LOXL2: variants seen among roughly 807,000 people sequenced by gnomAD.
The protein encoded by LOXL2 is lysyl oxidase homolog 2.
Under a neutral mutation model 93.0 loss-of-function variants are expected in LOXL2, and 70 were observed. The ratio of observed to expected loss-of-function variants is 0.75; its 90% confidence interval spans 0.62 to 0.92. The LOEUF is 0.92. Ranked by LOEUF, LOXL2 falls within the 40% of genes least tolerant of loss-of-function variation. The pLI, the probability that LOXL2 is intolerant of heterozygous loss-of-function variation, is 0.00. For missense variants in LOXL2, 973 were observed against 1,054.9 expected (o/e 0.92, Z 1.08); for synonymous variants, 438 against 413.2 (o/e 1.06, Z -0.73).
chr8:23,398,658 T>C (rs1047497432), intron 1 of LOXL2, among the ~76,000 whole-genome samples: 1 of 152,160 alleles, frequency 6.6e-6, no homozygotes, highest in Non-Finnish European at 1.5e-5. Flanking sequence ...CAGCATCCTT[T>C]ATCATCATCA....
chr8:23,309,173 C>T (rs575775270), intron 10 of LOXL2, among the ~76,000 whole-genome samples: 50 of 152,088 alleles, frequency 3.3e-4, no homozygotes, highest in African/African-American at 1.1e-3. Flanking sequence ...TTAGTAGAGA[C>T]GGGGTTTCAC....
chr8:23,299,446 T>C (rs1320507682), intron 12 of LOXL2, among the ~76,000 whole-genome samples: 1 of 152,152 alleles, frequency 6.6e-6, no homozygotes. Context: ...TGGGGATCCA[T>C]GTCCCTGTCT....
chr8:23,338,287 C>T (rs764519192), intron 4 of LOXL2, among the ~76,000 whole-genome samples: 2 of 147,692 alleles, frequency 1.4e-5, no homozygotes, highest in African/African-American at 2.6e-5. Context: ...ACAGCCAAAC[C>T]GTATCACTAG....
At chr8:23,377,444 T>C (rs1804611155) in intron 1 of LOXL2, among the ~76,000 whole-genome samples, 1 of 144,524 alleles carries the variant, frequency 6.9e-6, no homozygotes, top group South Asian at 2.2e-4. Context: ...GTTCTGTAGA[T>C]GTCTATTAGG....
intron 5 of LOXL2, among the ~76,000 whole-genome samples, chr8:23,330,291 G>A (rs752785923): frequency 1.4e-4 from 21 of 152,212 alleles, no homozygotes; most frequent in East Asian, 5.8e-4. Flanking sequence ...CCGAGATTGC[G>A]CCACTGCATT....
chr8:23,364,389 T>G (rs1312372076), intron 2 of LOXL2: 1 of 152,192 alleles, frequency 6.6e-6, no homozygotes, highest in Non-Finnish European at 1.5e-5. Context: ...AAGCCAAATT[T>G]TATGTTACTC....
intron 2 of LOXL2, among the ~76,000 whole-genome samples, chr8:23,360,466 G>T (rs1804271957): frequency 6.6e-6 from 1 of 152,206 alleles, no homozygotes; most frequent in Admixed American, 6.5e-5. Context: ...CACCTGATGT[G>T]ATCTGGGAAT....
rs996223871 is a variant in LOXL2 at position 23,302,009 on chromosome 8, C to T, written c.2133+18G>A. 6.2e-6 allele frequency: 10 copies of T among 1,613,712 alleles called. No homozygotes were observed. In the Admixed American group the frequency reaches 8.3e-5, roughly 13 times the overall value. On this transcript the variant is annotated intron_variant, in intron 12 of 13. Coordinates refer to ENST00000389131, the MANE Select transcript of LOXL2 (RefSeq NM_002318.3). ...CTCCTCCCCCTGCAGGGCTGGAACC[C>T]CTTCCCACCCACCTCACCTGGAACA...
chr8:23,377,787 G>T (rs1403621811), intron 1 of LOXL2, among the ~76,000 whole-genome samples: 1 of 151,924 alleles, frequency 6.6e-6, no homozygotes, highest in Non-Finnish European at 1.5e-5. Context: ...TTTTCCATTT[G>T]CTTGGTAGAT....
intron 7 of LOXL2, 161 bp downstream of exon 7, chr8:23,321,969 C>T (rs1263524160): frequency 5.5e-5 from 43 of 785,258 alleles, no homozygotes; most frequent in South Asian, 3.0e-4. Flanking sequence ...GGGCCAGGCC[C>T]GAGGTTCGAG....
intron 1 of LOXL2, chr8:23,386,115 G>C (rs943299739): frequency 1.3e-5 from 10 of 748,970 alleles, no homozygotes; most frequent in African/African-American, 1.2e-4. Flanking sequence ...AAGTGATCAA[G>C]CTGGAATTTG....
At chr8:23,332,368 CACACCCCACAT>C (rs369107570) in intron 5 of LOXL2, among the ~76,000 whole-genome samples, 32 of 129,586 alleles carry the variant, frequency 2.5e-4, no homozygotes, top group African/African-American at 8.8e-4. Flanking sequence ...CACACCCACA[CACACCCCACAT>C]ACACACTCAT....
intron 3 of LOXL2, among the ~76,000 whole-genome samples, chr8:23,344,560 T>C (rs1048060848): frequency 2.7e-4 from 41 of 151,876 alleles, no homozygotes; most frequent in Non-Finnish European, 5.3e-4. Flanking sequence ...TATGTCTCTG[T>C]GTGTGTGTCT....
At chr8:23,383,515 T>C (rs1413001614) in intron 1 of LOXL2, among the ~76,000 whole-genome samples, 1 of 152,124 alleles carries the variant, frequency 6.6e-6, no homozygotes, top group Non-Finnish European at 1.5e-5. Context: ...TCACATCCTA[T>C]CAATACTACC....
At chr8:23,365,210 T>C (rs4872114) in intron 2 of LOXL2, 111,886 of 152,310 alleles carry the variant, frequency 0.73, 42,115 homozygotes, top group African/African-American at 0.89. Flanking sequence ...GGAGGGGCAG[T>C]CTTATCCACG....
chr8:23,298,935 G>A lies in LOXL2; in HGVS notation c.2146C>T (p.Pro716Ser). ...TCGGATTCTGCAACCTCGAAGTTGGGGTTAATAACAACCTAGGGAGAAGCA... is the reference window on the plus strand; with the variant it reads ...TCGGATTCTGCAACCTCGAAGTTGGAGTTAATAACAACCTAGGGAGAAGCA... The part of the protein sequence containing the change: ...GDYLFQVVIN[P>S]NFEVAESDYS... Residue 716 changes from proline to serine, a missense_variant, in exon 13 of 14, where the codon CCC (proline) becomes TCC (serine). Pro to Ser is a moderately conservative substitution (Grantham distance 74, BLOSUM62 -1). Transcript: ENST00000389131. The A allele has an allele frequency of 1.9e-6, 3 of 1,608,600 alleles. No homozygotes were observed. The highest frequency in any genetic ancestry group is 2.6e-6 in the Non-Finnish European group (3 of 1,175,144).
At chr8:23,349,221 A>G (rs1804049628) in intron 3 of LOXL2, among the ~76,000 whole-genome samples, 1 of 152,162 alleles carries the variant, frequency 6.6e-6, no homozygotes. Flanking sequence ...CATCTCACCT[A>G]GGCCTGTGCT....
intron 3 of LOXL2, among the ~76,000 whole-genome samples, chr8:23,345,885 G>A (rs1482554740): frequency 1.3e-5 from 2 of 151,898 alleles, no homozygotes; most frequent in Non-Finnish European, 2.9e-5. Context: ...TGGCTAACAC[G>A]GTGAAACCCT....
rs1388208580 is a variant in LOXL2 at position 23,298,079 on chromosome 8, G to A, written c.2289C>T (p.Phe763=). 3.1e-6 allele frequency: 5 copies of A among 1,613,944 alleles called. No individual in the cohort carries two copies. The highest frequency in any genetic ancestry group is 1.7e-4 in the Middle Eastern group (1 of 5,820). Residue 763 remains phenylalanine, a synonymous_variant, in exon 14 of 14, where the codon TTC becomes TTT. Coordinates refer to ENST00000389131, the MANE Select transcript of LOXL2 (RefSeq NM_002318.3). Reference sequence around the variant, plus strand: ...ACAGCTGGTTGTTTAAGAGCCCGCTGAAGTGCTCAAACTTTTTTTCCGTCT... The same window carrying A: ...ACAGCTGGTTGTTTAAGAGCCCGCTAAAGTGCTCAAACTTTTTTTCCGTCT... ...SEETEKKFEH[F]SGLLNNQLSP...
Sources: gnomAD v4.1 joint callset for allele counts (sites outside exome capture counted in the v4.1 genomes callset) on GRCh38, gnomAD v4.1.1 for gene constraint, MANE v1.5 for transcripts, NCBI Gene and HGNC (gene_info 2026-07-23, HGNC 2026-07-21) for gene names.